RBFOX1: variants seen among roughly 807,000 people sequenced by gnomAD.
The protein encoded by RBFOX1 is RNA binding protein fox-1 homolog 1.
Under a neutral mutation model 57.7 loss-of-function variants are expected in RBFOX1, and 8 were observed. The observed-to-expected ratio is 0.14, with a 90% CI of 0.08 to 0.25. RBFOX1 has a LOEUF of 0.25. Among genes scored for constraint, RBFOX1 ranks in the 10% least tolerant of loss-of-function variants. The pLI, the probability that RBFOX1 is intolerant of heterozygous loss-of-function variation, is 1.00. For synonymous variants in RBFOX1, 326 were observed against 222.4 expected (o/e 1.47, Z -4.15); for missense variants, 611 against 548.5 (o/e 1.11, Z -1.14).
At chr16:7,393,711 C>A (rs1353791565) in intron 4 of RBFOX1, among the ~76,000 whole-genome samples, 3 of 152,130 alleles carry the variant, frequency 2.0e-5, no homozygotes, top group Non-Finnish European at 4.4e-5. Flanking sequence ...ATCCCCACCC[C>A]GTTTCATCCA....
At chr16:6,455,142 C>T (rs531119180) in intron 2 of RBFOX1, among the ~76,000 whole-genome samples, 29 of 151,834 alleles carry the variant, frequency 1.9e-4, no homozygotes, top group African/African-American at 5.3e-4. Flanking sequence ...ATCCACCCGC[C>T]CTGGCCTCCC....
intron 4 of RBFOX1, among the ~76,000 whole-genome samples, chr16:7,300,062 C>A (rs895682037): frequency 7.9e-5 from 12 of 152,146 alleles, no homozygotes; most frequent in Admixed American, 3.3e-4. Context: ...TTTTTCAGAG[C>A]AAGTGTAGTT....
intron 4 of RBFOX1, among the ~76,000 whole-genome samples, chr16:7,189,524 G>T (rs115945587): frequency 7.1e-6 from 1 of 140,630 alleles, no homozygotes; most frequent in South Asian, 2.3e-4. Context: ...AGAATACATT[G>T]CCCCCACTCC....
chr16:6,895,444 GTGTGTATA>G (rs1338137152), intron 3 of RBFOX1, among the ~76,000 whole-genome samples: 1,591 of 73,074 alleles, frequency 0.022, 15 homozygotes, highest in East Asian at 0.039. Context: ...GTGTGTGTGT[GTGTGTATA>G]TATATATATA....
chr16:7,189,574 CACACACACACACAT>C (rs1259273960), intron 4 of RBFOX1, among the ~76,000 whole-genome samples: 5 of 150,714 alleles, frequency 3.3e-5, no homozygotes, highest in Non-Finnish European at 7.4e-5. Context: ...CACACACACA[CACACACACACACAT>C]ACACACACAA....
intron 2 of RBFOX1, among the ~76,000 whole-genome samples, chr16:5,487,097 C>A (rs2042654211): frequency 6.6e-6 from 1 of 152,138 alleles, no homozygotes; most frequent in Admixed American, 6.5e-5. Flanking sequence ...GGTGTCATTT[C>A]CTCAGGCAAG....
At chr16:6,274,633 T>A (rs1441175956) in intron 1 of RBFOX1, among the ~76,000 whole-genome samples, 6 of 152,172 alleles carry the variant, frequency 3.9e-5, no homozygotes, top group South Asian at 2.1e-4. Flanking sequence ...AGCGCTATCA[T>A]CACGCAATCC....
intron 2 of RBFOX1, among the ~76,000 whole-genome samples, chr16:6,335,314 T>A (rs2083492421): frequency 6.6e-6 from 1 of 152,046 alleles, no homozygotes; most frequent in African/African-American, 2.4e-5. Flanking sequence ...AGGTGGTAGG[T>A]CTTGGTACTG....
intron 2 of RBFOX1, among the ~76,000 whole-genome samples, chr16:5,585,043 G>T (rs2046787202): frequency 6.6e-6 from 1 of 152,124 alleles, no homozygotes; most frequent in Non-Finnish European, 1.5e-5. Context: ...TAACCATTTT[G>T]GAGTTAACAA....
At chr16:7,060,843 A>G (rs1199548686) in intron 4 of RBFOX1, among the ~76,000 whole-genome samples, 2 of 152,178 alleles carry the variant, frequency 1.3e-5, no homozygotes, top group African/African-American at 2.4e-5. Context: ...CCTCAAAAGC[A>G]TTCCTCTGTA....
intron 3 of RBFOX1, among the ~76,000 whole-genome samples, chr16:7,042,336 G>A (rs1368327799): frequency 6.6e-6 from 1 of 152,110 alleles, no homozygotes; most frequent in Non-Finnish European, 1.5e-5. Context: ...CCTGACCCTG[G>A]AAACTGTGTA....
chr16:5,592,432 T>C (rs1032395397), intron 2 of RBFOX1, among the ~76,000 whole-genome samples: 21 of 151,604 alleles, frequency 1.4e-4, no homozygotes, highest in Non-Finnish European at 2.6e-4. Flanking sequence ...TTTTTTTTTT[T>C]CTGAGATGGA....
At chr16:5,512,515 C>T (rs1390445597) in intron 2 of RBFOX1, among the ~76,000 whole-genome samples, 1 of 152,130 alleles carries the variant, frequency 6.6e-6, no homozygotes, top group Non-Finnish European at 1.5e-5. Context: ...ACACAATCAT[C>T]ACAATCATGG....
chr16:5,967,660 A>G (rs1379470607), intron 4 of RBFOX1, among the ~76,000 whole-genome samples: 1 of 152,166 alleles, frequency 6.6e-6, no homozygotes, highest in Non-Finnish European at 1.5e-5. Flanking sequence ...TAACAAATCT[A>G]TTCTCTGTTT....
chr16:7,100,723 T>G (rs932759659), intron 4 of RBFOX1, among the ~76,000 whole-genome samples: 3 of 151,316 alleles, frequency 2.0e-5, no homozygotes, highest in Non-Finnish European at 1.5e-5. Context: ...CAAGGGAGAG[T>G]GAACAGAGGA....
At chr16:6,332,315 G>A (rs1174995439) in intron 2 of RBFOX1, among the ~76,000 whole-genome samples, 1 of 152,142 alleles carries the variant, frequency 6.6e-6, no homozygotes, top group Non-Finnish European at 1.5e-5. Context: ...ACTGTGTGAG[G>A]CATTTTAGCT....
chr16:7,280,634 G>T (rs1189551614), intron 4 of RBFOX1, among the ~76,000 whole-genome samples: 1 of 152,182 alleles, frequency 6.6e-6, no homozygotes, highest in African/African-American at 2.4e-5. Flanking sequence ...TAAGGACAGA[G>T]TGGCTGGGGC....
intron 1 of RBFOX1, chr16:6,059,185 T>C (rs891935138): frequency 3.9e-5 from 6 of 152,200 alleles, no homozygotes; most frequent in African/African-American, 1.2e-4. Flanking sequence ...GTAAAGGTTT[T>C]AATTTTCTCT....
At chr16:6,653,608 G>A (rs10083768) in intron 2 of RBFOX1, among the ~76,000 whole-genome samples, 3,346 of 152,232 alleles carry the variant, frequency 0.022, 126 homozygotes, top group African/African-American at 0.076. Flanking sequence ...TGGATGAGTG[G>A]AATGGTAGAT....
Sources: gnomAD v4.1 joint callset for allele counts (sites outside exome capture counted in the v4.1 genomes callset) on GRCh38, gnomAD v4.1.1 for gene constraint, MANE v1.5 for transcripts, NCBI Gene and HGNC (gene_info 2026-07-23, HGNC 2026-07-21) for gene names.